CCDC50: variants seen among roughly 807,000 people sequenced by gnomAD.
The protein encoded by CCDC50 is coiled-coil domain containing 50, also known as coiled-coil domain-containing protein 50.
CCDC50 carries 54 observed loss-of-function variants against 70.2 expected under a neutral mutation model. The ratio of observed to expected loss-of-function variants is 0.77; its 90% CI spans 0.62 to 0.96. The LOEUF is 0.96. Ranked by LOEUF, CCDC50 falls within the 50% of genes least tolerant of loss-of-function variation. CCDC50 has a pLI of 0.00. For missense variants in CCDC50, 558 were observed against 578.7 expected, an observed-to-expected ratio of 0.96 and a Z score of 0.37; for synonymous variants, 216 against 198.8, an observed-to-expected ratio of 1.09 and a Z score of -0.73.
chr3:191,335,567 T>C (rs1312045122), intron 1 of CCDC50, among the ~76,000 whole-genome samples: 2 of 152,148 alleles, frequency 1.3e-5, no homozygotes, highest in African/African-American at 4.8e-5. Context: ...TTAAAAGGAC[T>C]GTTAAGCAGA....
chr3:191,345,016 G>T (rs1244268727), intron 1 of CCDC50, among the ~76,000 whole-genome samples: 4 of 152,128 alleles, frequency 2.6e-5, no homozygotes, highest in African/African-American at 4.8e-5. Context: ...ACTTCTTGAT[G>T]GGAATAGAAA....
In CCDC50 at chr3:191,375,460, GCA is replaced by G. The variant is rs1240022241; in HGVS notation, c.848_849del (p.Ala283GlyfsTer17). On this transcript the variant is annotated frameshift_variant, in exon 6 of 12. Transcript: ENST00000392455. LOFTEE classifies it high-confidence loss of function. ...ACTTTCACCCAAGTCCTCACAAAAA[GCA>G]GGGCTTCACTGCAAGGAAGTTGTAT... is the stretch of plus-strand genomic sequence containing the variant. Reference protein sequence around the residue: ...DRLSPKSSQKAGLHCKEVVYG... With the variant: ...DRLSPKSSQKXGLHCKEVVYG... 1 of 1,613,732 alleles carries G rather than the reference GCA, an allele frequency of 6.2e-7. No individual in the cohort carries two copies. Among genetic ancestry groups the G allele is most frequent in the Non-Finnish European group, 8.5e-7 (1 of 1,179,846 alleles).
At chr3:191,350,877 C>T (rs974348169) in intron 1 of CCDC50, among the ~76,000 whole-genome samples, 3 of 141,654 alleles carry the variant, frequency 2.1e-5, no homozygotes, top group Admixed American at 1.4e-4. Context: ...TTTTTTCTCA[C>T]CGGCATTGCC....
At chr3:191,349,966 A>ATCC (rs1712048855) in intron 1 of CCDC50, among the ~76,000 whole-genome samples, 5 of 105,622 alleles carry the variant, frequency 4.7e-5, no homozygotes, top group South Asian at 3.3e-4. Context: ...ATTTAATAAT[A>ATCC]CCCCCCCCCT....
In CCDC50 at chr3:191,333,115, T is replaced by TGCATGTGTGTGC. The variant is rs1472041446; in HGVS notation, c.49+3392_49+3393insGCATGTGTGTGC. On this transcript the variant is annotated intron_variant, in intron 1 of 11. Coordinates refer to ENST00000392455, the MANE Select transcript of CCDC50 (RefSeq NM_178335.3). ...TCAAAGTTGGTGAATTCTGTGTGTG[T>TGCATGTGTGTGC]TGGTGTGCATGTGTGTGCTTAACAT... is the stretch of plus-strand genomic sequence containing the variant. Among the ~76,000 whole-genome samples, 80 of 152,222 alleles carry TGCATGTGTGTGC rather than the reference T, an allele frequency of 5.3e-4. 1 individual carries two copies. The highest frequency in any genetic ancestry group is 9.4e-4 in the Non-Finnish European group (64 of 68,034).
rs116289383 is a variant in CCDC50, at chr3:191,352,683, G to A, written c.50-4405G>A. Among the ~76,000 whole-genome samples the A allele has an allele frequency of 7.1e-3, 1,002 of 142,062 alleles. 122 individuals carry two copies. The highest frequency in any genetic ancestry group is 0.023 in the African/African-American group (932 of 39,862). 93.2% of individuals were successfully genotyped at this position (142,062 alleles called of 152,430 possible). A position where few individuals can be genotyped will look rare whatever the true frequency, so the allele number is the denominator to read the frequency against. On this transcript the variant is annotated intron_variant, in intron 1 of 11. Transcript: ENST00000392455. ...ATATGTACTAGGAAACCAAAAAATC[G>A]TGTGATTCATTTTATTGCAATATTT...
intron 6 of CCDC50, among the ~76,000 whole-genome samples, chr3:191,379,525 A>G (rs1003564231): frequency 1.3e-5 from 2 of 152,120 alleles, no homozygotes; most frequent in Non-Finnish European, 2.9e-5. Flanking sequence ...TGTGCTCTCA[A>G]TATAGCTCTG....
intron 1 of CCDC50, among the ~76,000 whole-genome samples, chr3:191,329,952 G>C (rs1023636180): frequency 2.7e-4 from 38 of 142,498 alleles, no homozygotes; most frequent in Admixed American, 6.3e-4. Context: ...TGGGGGGGGG[G>C]GGGGCTAGCA....
chr3:191,352,355 G>GTA (rs1712132924), intron 1 of CCDC50, among the ~76,000 whole-genome samples: 2 of 141,494 alleles, frequency 1.4e-5, no homozygotes, highest in African/African-American at 5.0e-5. Flanking sequence ...TGGATGGGGG[G>GTA]TATATATATG....
intron 3 of CCDC50, among the ~76,000 whole-genome samples, chr3:191,360,693 A>G (rs1712455229): frequency 6.6e-6 from 1 of 152,232 alleles, no homozygotes. Flanking sequence ...TTTATAGCTT[A>G]TAACATGGCA....
At chr3:191,359,213 G>A (rs1436851451) in intron 3 of CCDC50, among the ~76,000 whole-genome samples, 1 of 152,156 alleles carries the variant, frequency 6.6e-6, no homozygotes, top group African/African-American at 2.4e-5. Flanking sequence ...AAGACGATGT[G>A]TTTAATCTGA....
chr3:191,390,774 G>T (rs1374045432), intron 11 of CCDC50, among the ~76,000 whole-genome samples: 1 of 152,176 alleles, frequency 6.6e-6, no homozygotes, highest in Non-Finnish European at 1.5e-5. Flanking sequence ...CCTGTGTGTT[G>T]TGCCAACCCC....
At chr3:191,385,791 A>G (rs745821947) in intron 10 of CCDC50, among the ~76,000 whole-genome samples, 9 of 151,982 alleles carry the variant, frequency 5.9e-5, no homozygotes, top group Non-Finnish European at 1.2e-4. Context: ...AAGGTCTTGA[A>G]TTTTTTGTAT....
At position 191,357,145 on chromosome 3, in the gene CCDC50, AAGAG is replaced by A. The variant is rs1560161477; in HGVS notation, c.110_112+1del. On this transcript the variant is annotated frameshift_variant and splice_region_variant, in exon 2 of 12. Coordinates refer to ENST00000392455, the MANE Select transcript of CCDC50 (RefSeq NM_178335.3). LOFTEE classifies it high-confidence loss of function. ...ACCCTGGCTCACAGCCTGCAGGAACAAGAGAGTGAGTAATACCTCTCATTTATGC... is the reference window on the plus strand; with the variant it reads ...ACCCTGGCTCACAGCCTGCAGGAACAAGTGAGTAATACCTCTCATTTATGC... 1 of 1,613,302 alleles carries A rather than the reference AAGAG, an allele frequency of 6.2e-7. No individual in the cohort carries two copies. Among genetic ancestry groups the A allele is most frequent in the Admixed American group, 1.7e-5 (1 of 59,996 alleles).
chr3:191,385,240 C>T (rs1460939382), intron 10 of CCDC50, among the ~76,000 whole-genome samples: 6 of 152,126 alleles, frequency 3.9e-5, no homozygotes, highest in East Asian at 3.9e-4. Context: ...GTCTCCAAAC[C>T]GCTTTCCAGA....
At chr3:191,354,513 TA>T (rs1450899562) in intron 1 of CCDC50, among the ~76,000 whole-genome samples, 1 of 152,230 alleles carries the variant, frequency 6.6e-6, no homozygotes, top group African/African-American at 2.4e-5. Flanking sequence ...TAATTTTAGT[TA>T]GCATGGTATT....
chr3:191,337,537 G>T (rs546497919), intron 1 of CCDC50, among the ~76,000 whole-genome samples: 9 of 152,026 alleles, frequency 5.9e-5, no homozygotes, highest in African/African-American at 2.2e-4. Flanking sequence ...TAGAGACAGG[G>T]TTTCACTGTG....
At chr3:191,374,984 C>A in intron 5 of CCDC50, 78 bp from the exon 6 acceptor site, 1 of 1,424,694 alleles carries the variant, frequency 7.0e-7, no homozygotes, top group Non-Finnish European at 9.8e-7. Context: ...GCCCAGACTC[C>A]CCCCTGTGTA....
intron 6 of CCDC50, among the ~76,000 whole-genome samples, chr3:191,379,849 T>A (rs1365646177): frequency 6.6e-6 from 1 of 152,176 alleles, no homozygotes; most frequent in Non-Finnish European, 1.5e-5. Context: ...TTTTTCACTT[T>A]GTATTTTTCC....
Sources: allele counts gnomAD v4.1 joint callset (sites outside exome capture counted in the v4.1 genomes callset), GRCh38; gene constraint gnomAD v4.1.1; transcripts MANE v1.5; gene names NCBI Gene and HGNC (gene_info 2026-07-23, HGNC 2026-07-21).